The following FXYD6 variants were observed in gnomAD, a reference collection of about 807,000 sequenced individuals.
FXYD6 encodes the protein FXYD domain containing ion transport regulator 6, also known as FXYD domain-containing ion transport regulator 6.
FXYD6 carries 7 observed loss-of-function variants against 16.7 expected under a neutral mutation model. That is an observed-to-expected ratio of 0.42 (90% CI 0.24 to 0.79). FXYD6 has a LOEUF of 0.79. Ranked by LOEUF, FXYD6 falls within the 30% of genes least tolerant of loss-of-function variation. The pLI, the probability that FXYD6 is intolerant of heterozygous loss-of-function variation, is 0.28. For synonymous variants in FXYD6, 49 were observed against 43.0 expected (o/e 1.14, Z -0.54); for missense variants, 111 against 116.2 (o/e 0.95, Z 0.21).
chr11:117,855,414 C>T (rs549565536), intron 1 of FXYD6, among the ~76,000 whole-genome samples: 1 of 152,114 alleles, frequency 6.6e-6, no homozygotes, highest in Non-Finnish European at 1.5e-5. Context: ...GCCCCTGAGT[C>T]GAGTGGCCAA....
At chr11:117,871,435 G>A (rs2057133818) in intron 1 of FXYD6, among the ~76,000 whole-genome samples, 1 of 151,626 alleles carries the variant, frequency 6.6e-6, no homozygotes, top group South Asian at 2.1e-4. Flanking sequence ...ACCTGCCATT[G>A]AGAGGCGGTG....
chr11:117,865,968 A>G (rs1302813150), intron 1 of FXYD6, among the ~76,000 whole-genome samples: 2 of 152,136 alleles, frequency 1.3e-5, no homozygotes, highest in South Asian at 2.1e-4. Flanking sequence ...GCATCTTTCC[A>G]TGTCCTTACT....
chr11:117,862,302 C>T (rs569389986), intron 1 of FXYD6, among the ~76,000 whole-genome samples: 10 of 152,344 alleles, frequency 6.6e-5, no homozygotes, highest in Middle Eastern at 3.4e-3. Flanking sequence ...TCACGTCATC[C>T]TCCTCCTTCT....
rs929756936 is a variant in FXYD6, at chr11:117,837,272, G to A, written c.*1027C>T. ...AGTTGCCTCTGCTGCCCATCTAAGG[G>A]GACGTAGGCAGAGAAGCAAAGGCCT... is the stretch of plus-strand genomic sequence containing the variant. On this transcript the variant is annotated 3_prime_UTR_variant, in exon 8 of 8. Coordinates refer to ENST00000526014, the MANE Select transcript of FXYD6 (RefSeq NM_022003.4). The surrounding 1 kb of genome is among the most constrained non-coding windows in gnomAD (Gnocchi z 4.4). 1 of 152,168 alleles carries A rather than the reference G, an allele frequency of 6.6e-6. No individual in the cohort carries two copies. The highest frequency in any genetic ancestry group is 2.4e-5 in the African/African-American group (1 of 41,424). The allele number at this position is 152,168 out of a possible 1,614,324, so 9.4% of individuals were successfully genotyped here.
At chr11:117,842,909 G>A (rs1281095709) in intron 1 of FXYD6, 128 bp from the exon 2 acceptor site, 2 of 933,034 alleles carry the variant, frequency 2.1e-6, no homozygotes, top group East Asian at 2.7e-5. Flanking sequence ...CTTGGTGAGG[G>A]TTCAAACAAC....
intron 1 of FXYD6, among the ~76,000 whole-genome samples, chr11:117,861,505 T>C (rs2056906244): frequency 6.6e-6 from 1 of 152,164 alleles, no homozygotes; most frequent in Non-Finnish European, 1.5e-5. Flanking sequence ...TCAACTAAAT[T>C]AGATGGAGTT....
intron 1 of FXYD6, among the ~76,000 whole-genome samples, chr11:117,844,708 C>T (rs1369541617): frequency 6.6e-6 from 1 of 152,128 alleles, no homozygotes; most frequent in Non-Finnish European, 1.5e-5. Flanking sequence ...GTTGGTCAGG[C>T]TCAAACTTCT....
At chr11:117,876,917 G>C (rs1047730269), upstream of FXYD6, 1 of 152,256 alleles carries the variant, frequency 6.6e-6, no homozygotes, top group African/African-American at 2.4e-5. Flanking sequence ...CTCCTCTCGA[G>C]GGGCGGAGAG....
intron 1 of FXYD6, among the ~76,000 whole-genome samples, chr11:117,847,687 C>T (rs949836945): frequency 6.6e-6 from 1 of 152,148 alleles, no homozygotes; most frequent in Non-Finnish European, 1.5e-5. Context: ...CTACAAAGGA[C>T]ATGGACTCGT....
intron 1 of FXYD6, among the ~76,000 whole-genome samples, chr11:117,850,401 G>A (rs1591564107): frequency 6.6e-6 from 1 of 152,174 alleles, no homozygotes; most frequent in East Asian, 1.9e-4. Flanking sequence ...GATCCTCCCT[G>A]TCTTAAATTC....
chr11:117,871,760 G>A (rs996705880), intron 1 of FXYD6, among the ~76,000 whole-genome samples: 3 of 152,200 alleles, frequency 2.0e-5, no homozygotes, highest in African/African-American at 4.8e-5. Context: ...CCTTTACACA[G>A]CTCGCCTCAT....
rs553263596 is a variant in FXYD6, at chr11:117,856,866, A to AGGGGC, written c.-5-14090_-5-14086dup. On this transcript the variant is annotated intron_variant, in intron 1 of 7. Coordinates refer to ENST00000526014, the MANE Select transcript of FXYD6 (RefSeq NM_022003.4). ...AGGTACCTGATTCATCCAGTTATTT[A>AGGGGC]GGGGCAGGGCAGGGCTCAGAACATG... 2.6e-5 allele frequency among the ~76,000 whole-genome samples: 4 copies of AGGGGC among 152,236 alleles called. No homozygotes were observed. In the East Asian group the frequency reaches 7.7e-4, roughly 29 times the overall value.
intron 1 of FXYD6, among the ~76,000 whole-genome samples, chr11:117,857,926 T>G (rs115931251): frequency 0.013 from 1,904 of 152,292 alleles, 31 homozygotes; most frequent in African/African-American, 0.042. Context: ...TCCATGCTCA[T>G]GAACGGGACC....
intron 1 of FXYD6, 22 bp downstream of exon 1, chr11:117,876,570 G>A (rs1049125915): frequency 2.6e-5 from 4 of 152,468 alleles, no homozygotes; most frequent in Admixed American, 1.3e-4. Context: ...AGCCAACTTT[G>A]CCCACCTCCC....
intron 1 of FXYD6, among the ~76,000 whole-genome samples, chr11:117,858,639 C>CTT (rs1443158112): frequency 3.8e-4 from 8 of 20,840 alleles, no homozygotes; most frequent in African/African-American, 1.5e-3. Context: ...TTTTTTCTTT[C>CTT]TTTCTTTCTT....
At chr11:117,876,484 T>C (rs2057270325) in intron 1 of FXYD6, 108 bp downstream of exon 1, 1 of 152,476 alleles carries the variant, frequency 6.6e-6, no homozygotes, top group African/African-American at 2.4e-5. Context: ...ACACACCCAC[T>C]GAACACACAA....
At chr11:117,853,048 A>G (rs953462079) in intron 1 of FXYD6, among the ~76,000 whole-genome samples, 7 of 152,134 alleles carry the variant, frequency 4.6e-5, no homozygotes, top group African/African-American at 1.7e-4. Flanking sequence ...TTATTCTTTC[A>G]ACATTTCTTA....
chr11:117,876,078 C>G (rs1490393882), intron 1 of FXYD6, among the ~76,000 whole-genome samples: 1 of 152,166 alleles, frequency 6.6e-6, no homozygotes, highest in Non-Finnish European at 1.5e-5. Context: ...CCTGCGCCCC[C>G]ATCCTGTGCC....
intron 1 of FXYD6, among the ~76,000 whole-genome samples, chr11:117,845,148 C>G (rs1210811262): frequency 6.6e-6 from 1 of 152,198 alleles, no homozygotes; most frequent in Non-Finnish European, 1.5e-5. Context: ...GGCAGTCACC[C>G]CCGACTCCCC....
Sources: gnomAD v4.1 joint callset for allele counts (sites outside exome capture counted in the v4.1 genomes callset) on GRCh38, gnomAD v4.1.1 for gene constraint, Gnocchi (gnomAD v3.1) non-coding constraint, MANE v1.5 for transcripts, NCBI Gene and HGNC (gene_info 2026-07-23, HGNC 2026-07-21) for gene names.